CIMIP2C: variants seen among roughly 807,000 people sequenced by gnomAD.
The protein encoded by CIMIP2C is UPF0573 protein C2orf70.
chr2:26,575,759 G>A, the CIMIP2C span: 16 of 948,804 alleles, frequency 1.7e-5, no homozygotes, highest in Non-Finnish European at 2.5e-5. Flanking sequence ...CCTGGGCTCA[G>A]GTGTTCTTCC....
the CIMIP2C span, among the ~76,000 whole-genome samples, chr2:26,573,660 C>T: frequency 3.4e-3 from 515 of 152,328 alleles, 2 homozygotes; most frequent in Middle Eastern, 0.014. Context: ...CTGGCCTCCG[C>T]GGGGAACTCA....
At chr2:26,573,410 G>A in the CIMIP2C span, among the ~76,000 whole-genome samples, 2 of 152,214 alleles carry the variant, frequency 1.3e-5, no homozygotes, top group African/African-American at 4.8e-5. Context: ...GGAAGAGGCC[G>A]AGAGGGAGGG....
At chr2:26,562,671 CT>C in the CIMIP2C span, 1 of 1,577,998 alleles carries the variant, frequency 6.3e-7, no homozygotes, top group Non-Finnish European at 8.6e-7. Flanking sequence ...TACGTGCCCC[CT>C]GGACTCATGC....
At chr2:26,571,603 CTG>C in the CIMIP2C span, among the ~76,000 whole-genome samples, 1 of 152,204 alleles carries the variant, frequency 6.6e-6, no homozygotes, top group African/African-American at 2.4e-5. Context: ...TTCATGCCAT[CTG>C]ACTCTGTTTT....
chr2:26,570,906 AG>A, the CIMIP2C span, among the ~76,000 whole-genome samples: 1 of 152,034 alleles, frequency 6.6e-6, no homozygotes, highest in African/African-American at 2.4e-5. Context: ...GTGGCTAAGG[AG>A]GGGCCTAAGC....
At chr2:26,576,181 C>G in the CIMIP2C span, 1 of 1,609,192 alleles carries the variant, frequency 6.2e-7, no homozygotes, top group Non-Finnish European at 8.5e-7. Context: ...ACCAGGTAAG[C>G]TGTGTGGGGC....
the CIMIP2C span, chr2:26,579,143 C>A: frequency 1.2e-6 from 1 of 803,392 alleles, no homozygotes; most frequent in Non-Finnish European, 2.0e-6. Context: ...TATTCCCACC[C>A]CAAGTCCAGG....
chr2:26,567,223 C>T, the CIMIP2C span, among the ~76,000 whole-genome samples: 1 of 152,180 alleles, frequency 6.6e-6, no homozygotes, highest in Non-Finnish European at 1.5e-5. Context: ...CCCCACATGT[C>T]ACAAGAGGGA....
the CIMIP2C span, among the ~76,000 whole-genome samples, chr2:26,570,713 C>T: frequency 5.2e-4 from 79 of 152,336 alleles, 1 homozygote; most frequent in Non-Finnish European, 1.0e-3. Context: ...CTGGGAGTAA[C>T]GCTGCTGGGG....
At chr2:26,563,487 C>T in the CIMIP2C span, among the ~76,000 whole-genome samples, 1 of 152,270 alleles carries the variant, frequency 6.6e-6, no homozygotes, top group South Asian at 2.1e-4. Context: ...GTAAGGCTGT[C>T]TTTATCCCTC....
chr2:26,572,034 G>GGAGA, the CIMIP2C span: 1 of 1,413,964 alleles, frequency 7.1e-7, no homozygotes, highest in Non-Finnish European at 9.5e-7. Flanking sequence ...TCCCACTATA[G>GGAGA]GAGAGAGAGA....
At chr2:26,575,984 C>T in the CIMIP2C span, 32 of 1,614,030 alleles carry the variant, frequency 2.0e-5, no homozygotes, top group South Asian at 2.0e-4. Flanking sequence ...CCAGGACCAC[C>T]GCAACAGAGC....
At chr2:26,567,335 G>T in the CIMIP2C span, among the ~76,000 whole-genome samples, 2 of 152,186 alleles carry the variant, frequency 1.3e-5, no homozygotes, top group African/African-American at 2.4e-5. Flanking sequence ...CTCCCCATTT[G>T]TTGGGCACCC....
the CIMIP2C span, chr2:26,577,768 G>A: frequency 3.1e-6 from 2 of 637,116 alleles, no homozygotes; most frequent in Non-Finnish European, 2.7e-6. Flanking sequence ...AGAGAGTGAT[G>A]GTTACAGAGC....
At chr2:26,569,803 G>A in the CIMIP2C span, among the ~76,000 whole-genome samples, 2 of 152,088 alleles carry the variant, frequency 1.3e-5, no homozygotes, top group South Asian at 2.1e-4. Flanking sequence ...TGAAGGGGAG[G>A]TGTGGTGGCA....
At chr2:26,574,866 AG>A in the CIMIP2C span, among the ~76,000 whole-genome samples, 2 of 152,242 alleles carry the variant, frequency 1.3e-5, no homozygotes, top group Non-Finnish European at 2.9e-5. Flanking sequence ...GCAAGAGCAC[AG>A]GCGGCCTTGG....
chr2:26,575,504 C>T, the CIMIP2C span, among the ~76,000 whole-genome samples: 1 of 152,118 alleles, frequency 6.6e-6, no homozygotes, highest in Non-Finnish European at 1.5e-5. Context: ...CCTGTGTAAG[C>T]CCCTGGTCTG....
At chr2:26,570,228 C>T in the CIMIP2C span, among the ~76,000 whole-genome samples, 11 of 152,168 alleles carry the variant, frequency 7.2e-5, no homozygotes, top group African/African-American at 9.7e-5. Context: ...AGCTTGGGGG[C>T]GGAGAGAAGA....
At chr2:26,566,605 A>G in the CIMIP2C span, among the ~76,000 whole-genome samples, 3 of 152,262 alleles carry the variant, frequency 2.0e-5, no homozygotes, top group Admixed American at 2.0e-4. Context: ...GTGCACCATT[A>G]TATAACATTT....
Sources: gnomAD v4.1 joint callset for allele counts (sites outside exome capture counted in the v4.1 genomes callset) on GRCh38, gnomAD v4.1.1 for gene constraint, MANE v1.5 for transcripts, NCBI Gene and HGNC (gene_info 2026-07-23, HGNC 2026-07-21) for gene names.